Variants in LEPR observed in about 807,000 individuals in gnomAD.
LEPR encodes leptin receptor, also known as OB receptor.
A neutral mutation model predicts 114.7 loss-of-function variants in LEPR; 56 were observed. The ratio of observed to expected loss-of-function variants is 0.49; its 90% confidence interval spans 0.39 to 0.61. LEPR has a LOEUF of 0.61. Among genes scored for constraint, LEPR ranks in the 20% least tolerant of loss-of-function variants. LEPR has a pLI of 0.00. For synonymous variants in LEPR, 443 were observed against 461.4 expected, an observed-to-expected ratio of 0.96 and a Z score of 0.51; for missense variants, 1,202 against 1,352.9, an observed-to-expected ratio of 0.89 and a Z score of 1.75.
At position 65,453,890 on chromosome 1, in the gene LEPR, T is replaced by A. The variant is rs372020808; in HGVS notation, c.-21+28512T>A. 2.6e-5 allele frequency among the ~76,000 whole-genome samples: 4 copies of A among 151,606 alleles called. 1 individual carries two copies. ...TAATGTTGACAGTGGGGTGTTAAAGTCTCCCATTATTATTGTGTGGGAGTC... is the reference window on the plus strand; with the variant it reads ...TAATGTTGACAGTGGGGTGTTAAAGACTCCCATTATTATTGTGTGGGAGTC... On this transcript the variant is annotated intron_variant, in intron 2 of 19. Coordinates refer to ENST00000349533, the MANE Select transcript of LEPR (RefSeq NM_002303.6).
At chr1:65,429,991 T>C in intron 2 of LEPR, 2 of 1,576,428 alleles carry the variant, frequency 1.3e-6, no homozygotes, top group East Asian at 2.3e-5. Context: ...ATTTCTTCAC[T>C]ACTGGAATTG....
intron 2 of LEPR, among the ~76,000 whole-genome samples, chr1:65,551,734 T>C (rs1390725962): frequency 6.6e-6 from 1 of 152,192 alleles, no homozygotes; most frequent in Non-Finnish European, 1.5e-5. Context: ...TAGTTATTTC[T>C]TGTCTTCTGC....
chr1:65,622,146 T>TA (rs200383119), intron 18 of LEPR, among the ~76,000 whole-genome samples: 1,665 of 151,778 alleles, frequency 0.011, 8 homozygotes, highest in South Asian at 0.026. Flanking sequence ...TTTAGTTTTT[T>TA]AAAAAAAATG....
chr1:65,475,141 A>G (rs1314159196), intron 2 of LEPR, among the ~76,000 whole-genome samples: 1 of 152,072 alleles, frequency 6.6e-6, no homozygotes, highest in Non-Finnish European at 1.5e-5. Context: ...AAGGGGAAAG[A>G]TAGCCTTAAA....
At chr1:65,554,731 C>T (rs986325075) in intron 2 of LEPR, among the ~76,000 whole-genome samples, 2 of 151,968 alleles carry the variant, frequency 1.3e-5, no homozygotes, top group Non-Finnish European at 2.9e-5. Context: ...GTCTGTCTTG[C>T]TGGCATTCCA....
At chr1:65,490,830 T>C (rs1305809280) in intron 2 of LEPR, among the ~76,000 whole-genome samples, 1 of 152,132 alleles carries the variant, frequency 6.6e-6, no homozygotes, top group African/African-American at 2.4e-5. Flanking sequence ...GGATGACTTG[T>C]GGAAGTATCT....
chr1:65,571,461 T>G (rs1414607284), intron 4 of LEPR, among the ~76,000 whole-genome samples: 1 of 151,954 alleles, frequency 6.6e-6, no homozygotes, highest in African/African-American at 2.4e-5. Flanking sequence ...AACAACAAAA[T>G]TATCCCAAGT....
intron 2 of LEPR, among the ~76,000 whole-genome samples, chr1:65,501,675 T>TA (rs1237216327): frequency 6.6e-6 from 1 of 152,028 alleles, no homozygotes; most frequent in Admixed American, 6.6e-5. Context: ...GCCTCTCCCT[T>TA]AAATATTAGG....
chr1:65,483,829 T>C (rs1367023839), intron 2 of LEPR, among the ~76,000 whole-genome samples: 2 of 152,190 alleles, frequency 1.3e-5, no homozygotes, highest in Non-Finnish European at 2.9e-5. Context: ...TCTCTGATAA[T>C]TTTATCTGAA....
At chr1:65,533,998 A>G (rs1650583095) in intron 2 of LEPR, among the ~76,000 whole-genome samples, 2 of 152,028 alleles carry the variant, frequency 1.3e-5, no homozygotes, top group Admixed American at 1.3e-4. Flanking sequence ...TCTGCATTCA[A>G]CCTTTCTATA....
At chr1:65,567,336 C>T (rs1385529165) in intron 3 of LEPR, among the ~76,000 whole-genome samples, 1 of 152,130 alleles carries the variant, frequency 6.6e-6, no homozygotes, top group Non-Finnish European at 1.5e-5. Flanking sequence ...CTATGTAGAC[C>T]TAGAATATAT....
chr1:65,583,551 A>G (rs1031520397), intron 5 of LEPR, among the ~76,000 whole-genome samples: 2 of 152,118 alleles, frequency 1.3e-5, no homozygotes, highest in African/African-American at 2.4e-5. Flanking sequence ...AGGCTACACT[A>G]TACTATTCCC....
chr1:65,536,464 C>T (rs925762379), intron 2 of LEPR, among the ~76,000 whole-genome samples: 2 of 152,004 alleles, frequency 1.3e-5, no homozygotes, highest in Admixed American at 1.3e-4. Context: ...TCCTTTGTTA[C>T]AACATGAATG....
intron 5 of LEPR, chr1:65,576,748 A>T (rs1461173940): frequency 5.0e-6 from 1 of 198,296 alleles, no homozygotes; most frequent in Non-Finnish European, 1.1e-5. Flanking sequence ...AGCTGCAAAA[A>T]GTTGTGTTCA....
intron 3 of LEPR, among the ~76,000 whole-genome samples, chr1:65,570,209 T>C (rs1253892112): frequency 1.3e-5 from 2 of 152,192 alleles, no homozygotes; most frequent in African/African-American, 4.8e-5. Context: ...ATATAAAATG[T>C]CAGCTTAAAG....
At chr1:65,545,253 G>A in intron 2 of LEPR, among the ~76,000 whole-genome samples, 1 of 149,064 alleles carries the variant, frequency 6.7e-6, no homozygotes, top group East Asian at 2.0e-4. Flanking sequence ...TGTGAATAGT[G>A]CCGCAATAAA....
At chr1:65,439,065 C>T (rs142935509) in intron 2 of LEPR, among the ~76,000 whole-genome samples, 2,941 of 152,270 alleles carry the variant, frequency 0.019, 49 homozygotes, top group Non-Finnish European at 0.028. Context: ...AAAGCTACTT[C>T]CCCATGCAGT....
At chr1:65,569,754 C>A (rs955301696) in intron 3 of LEPR, among the ~76,000 whole-genome samples, 8 of 144,830 alleles carry the variant, frequency 5.5e-5, no homozygotes, top group African/African-American at 1.0e-4. Context: ...TTAACTTTTG[C>A]AGATCTTTTG....
At chr1:65,445,468 G>A (rs546524955) in intron 2 of LEPR, among the ~76,000 whole-genome samples, 1 of 152,046 alleles carries the variant, frequency 6.6e-6, no homozygotes, top group East Asian at 1.9e-4. Flanking sequence ...TCTTGTTCAC[G>A]TATCCACTAT....
Sources: gnomAD v4.1 joint callset for allele counts (sites outside exome capture counted in the v4.1 genomes callset) on GRCh38, gnomAD v4.1.1 for gene constraint, MANE v1.5 for transcripts, NCBI Gene and HGNC (gene_info 2026-07-23, HGNC 2026-07-21) for gene names.